IQCE: variants seen among roughly 807,000 people sequenced by gnomAD.
IQCE encodes the protein IQ motif containing E.
IQCE carries 115 observed loss-of-function variants against 96.0 expected under a neutral mutation model. The observed-to-expected ratio is 1.20, with a 90% CI of 1.03 to 1.40. The LOEUF (loss-of-function observed/expected upper bound fraction) is 1.40, where lower values mean the gene tolerates loss of function less well. IQCE is among the 40% of genes most tolerant of loss of function. IQCE has a pLI of 0.00. For missense variants in IQCE, 1,041 were observed against 909.1 expected, an observed-to-expected ratio of 1.15 and a Z score of -1.87; for synonymous variants, 412 against 371.2, an observed-to-expected ratio of 1.11 and a Z score of -1.26.
chr7:2,591,928 C>T (rs889785538), intron 14 of IQCE, among the ~76,000 whole-genome samples: 2 of 143,238 alleles, frequency 1.4e-5, no homozygotes, highest in African/African-American at 2.6e-5. Flanking sequence ...GGGCCTGCCT[C>T]GGCCTCCCAA....
At chr7:2,601,415 T>C (rs1486036428) in intron 17 of IQCE, 26 bp from the exon 18 acceptor site, 4 of 1,457,806 alleles carry the variant, frequency 2.7e-6, no homozygotes, top group Non-Finnish European at 1.9e-6. Context: ...AATTCATGTA[T>C]TTTTTCTTTC....
intron 13 of IQCE, among the ~76,000 whole-genome samples, chr7:2,588,251 A>G (rs1783285479): frequency 6.6e-6 from 1 of 152,208 alleles, no homozygotes; most frequent in Non-Finnish European, 1.5e-5. Context: ...GCCAGGCAGA[A>G]ATGTCGGGAA....
At position 2,559,076 on chromosome 7, in the gene IQCE, G is replaced by A; in HGVS notation, c.-106G>A. The A allele has an allele frequency of 1.7e-6, 1 of 604,996 alleles. No homozygotes were observed. The allele number at this position is 604,996 out of a possible 1,614,324, so 37.5% of individuals were successfully genotyped here. ...CATGGCAGCGGGGTCGCGGGCCGGC[G>A]CCAGGGAAGGCCCCGAGGCTGCGGG... On this transcript the variant is annotated 5_prime_UTR_variant, in exon 1 of 22. Transcript: ENST00000402050.
intron 16 of IQCE, among the ~76,000 whole-genome samples, chr7:2,596,173 C>G (rs555959392): frequency 6.6e-6 from 1 of 152,120 alleles, no homozygotes; most frequent in Non-Finnish European, 1.5e-5. Flanking sequence ...GTGGGAAGAT[C>G]GCTCGAGCCC....
rs540824593 is a variant in IQCE at position 2,585,836 on chromosome 7, G to C, written c.825-372G>C. Among the ~76,000 whole-genome samples, 5 of 152,302 alleles carry C rather than the reference G, an allele frequency of 3.3e-5. No individual in the cohort carries two copies. In the South Asian group the frequency reaches 1.0e-3, roughly 32 times the overall value. On this transcript the variant is annotated intron_variant, in intron 11 of 21. Coordinates refer to ENST00000402050, the MANE Select transcript of IQCE (RefSeq NM_152558.5). ...AATTACGGGACCTGCAGATAATGAG[G>C]ATCGACTGTACTTTACACCTCCTGG... is the stretch of plus-strand genomic sequence containing the variant.
rs543698789 is a variant in IQCE at position 2,611,139 on chromosome 7, T to TGGGCCGGGCCGGGCC, written c.*986_*987insCGGGCCGGGCCGGGC. On this transcript the variant is annotated 3_prime_UTR_variant, in exon 22 of 22. Transcript: ENST00000402050. ...TGGGCTGGGCTGGGCTGGGCTGGGC[T>TGGGCCGGGCCGGGCC]GGGCCGGGCGTGCGGAGCCTGTGGA... 7.3e-6 allele frequency: 1 copy of TGGGCCGGGCCGGGCC among 137,348 alleles called. No individual in the cohort carries two copies. The highest frequency in any genetic ancestry group is 2.9e-5 in the African/African-American group (1 of 34,494). 8.5% of individuals were successfully genotyped at this position (137,348 alleles called of 1,614,324 possible).
At position 2,610,425 on chromosome 7, in the gene IQCE, T is replaced by C. The variant is rs1785055938; in HGVS notation, c.*263T>C. The stretch of plus-strand genomic sequence containing the variant: ...TGGATTTTCAGTGCCAACAGACACA[T>C]CTGCCGTGAACTCGCAGATGCCAGG... On this transcript the variant is annotated 3_prime_UTR_variant, in exon 22 of 22. Coordinates refer to ENST00000402050, the MANE Select transcript of IQCE (RefSeq NM_152558.5). 1.2e-5 allele frequency: 5 copies of C among 417,576 alleles called. No individual in the cohort carries two copies. Among genetic ancestry groups the C allele is most frequent in the Non-Finnish European group, 2.2e-5 (5 of 227,126 alleles). 25.9% of individuals were successfully genotyped at this position (417,576 alleles called of 1,614,324 possible).
chr7:2,605,114 C>T (rs1372428815), intron 19 of IQCE, 123 bp downstream of exon 19: 2 of 676,902 alleles, frequency 3.0e-6, no homozygotes, highest in Non-Finnish European at 5.1e-6. Flanking sequence ...AGCAGGCGTC[C>T]CCTGCGCTCC....
At chr7:2,585,707 G>A (rs1343212406) in intron 11 of IQCE, among the ~76,000 whole-genome samples, 6 of 152,366 alleles carry the variant, frequency 3.9e-5, no homozygotes, top group African/African-American at 9.6e-5. Flanking sequence ...GCGCGCCAGC[G>A]ACTGGCATTT....
chr7:2,612,655 A>C lies in IQCE; in HGVS notation c.*2493A>C, dbSNP rs577893497. On this transcript the variant is annotated 3_prime_UTR_variant, in exon 22 of 22. Transcript: ENST00000402050. ...AATGGGGCTAGCTATGGGTGGGGTGAGCTGTGGACAGGGCCTAGCCATGGG... is the reference window on the plus strand; with the variant it reads ...AATGGGGCTAGCTATGGGTGGGGTGCGCTGTGGACAGGGCCTAGCCATGGG... 1.9e-4 allele frequency: 18 copies of C among 93,030 alleles called. No individual in the cohort carries two copies. The highest frequency in any genetic ancestry group is 7.5e-4 in the African/African-American group (17 of 22,608). 5.8% of individuals were successfully genotyped at this position (93,030 alleles called of 1,614,324 possible).
chr7:2,586,207 G>C lies in IQCE; in HGVS notation c.825-1G>C. ...CTCAGTCCACGATTTGGTTGTTCCA[G>C]GCCCCTGGGGGAGAAGAAGACGGGC... On this transcript the variant is annotated splice_acceptor_variant, in intron 11 of 21. Transcript: ENST00000402050. LOFTEE classifies it high-confidence loss of function. The C allele has an allele frequency of 6.2e-7, 1 of 1,612,624 alleles. No individual in the cohort carries two copies. The highest frequency in any genetic ancestry group is 8.5e-7 in the Non-Finnish European group (1 of 1,179,522).
chr7:2,592,031 C>T (rs1403087158), intron 14 of IQCE, among the ~76,000 whole-genome samples: 1 of 149,928 alleles, frequency 6.7e-6, no homozygotes, highest in Non-Finnish European at 1.5e-5. Context: ...CGCACCCGGG[C>T]CTGCCTCGGC....
rs1374912337 is a variant in IQCE, at chr7:2,583,618, G to A, written c.702-19G>A. The stretch of plus-strand genomic sequence containing the variant: ...GGAACGCTGGCACATCCCTATTAAC[G>A]CTGAACTTGGGTTTTCAGCAAACTC... On this transcript the variant is annotated intron_variant, in intron 9 of 21. Coordinates refer to ENST00000402050, the MANE Select transcript of IQCE (RefSeq NM_152558.5). The A allele has an allele frequency of 3.2e-6, 5 of 1,583,962 alleles. No homozygotes were observed. The highest frequency in any genetic ancestry group is 2.2e-5 in the South Asian group (2 of 90,326).
intron 1 of IQCE, among the ~76,000 whole-genome samples, chr7:2,563,381 G>GTGTGTGTGTA (rs1562615888): frequency 0.042 from 6,277 of 150,290 alleles, 350 homozygotes; most frequent in East Asian, 0.28. Context: ...TTTGTTGTGT[G>GTGTGTGTGTA]TGTGTGTGTG....
In IQCE at chr7:2,583,646, G is replaced by A. The variant is rs1227553096; in HGVS notation, c.711G>A (p.Gln237=). 7 of 1,587,216 alleles carry A rather than the reference G, an allele frequency of 4.4e-6. No individual in the cohort carries two copies. Among genetic ancestry groups the A allele is most frequent in the Non-Finnish European group, 6.0e-6 (7 of 1,163,686 alleles). The change falls in exon 10 of 22, where the codon CAG becomes CAA. Residue 237 remains glutamine (Q), a synonymous_variant. Transcript: ENST00000402050. The part of the protein sequence containing the change: ...KEKDGTISKL[Q]TDMKTTNLEE... ...GAACTTGGGTTTTCAGCAAACTCCA[G>A]ACCGATATGAAGACTACCAACCTGG...
At position 2,612,022 on chromosome 7, in the gene IQCE, A is replaced by G. The variant is rs1325483659; in HGVS notation, c.*1860A>G. 1 of 152,116 alleles carries G rather than the reference A, an allele frequency of 6.6e-6. No homozygotes were observed. The highest frequency in any genetic ancestry group is 1.9e-4 in the East Asian group (1 of 5,168). 9.4% of individuals were successfully genotyped at this position (152,116 alleles called of 1,614,324 possible). On this transcript the variant is annotated 3_prime_UTR_variant, in exon 22 of 22. Coordinates refer to ENST00000402050, the MANE Select transcript of IQCE (RefSeq NM_152558.5). ...GCCAGTCCACCTCGAAAGCCCTGAGAAAGTGAGACACCTGCACATTCGCTG... is the reference window on the plus strand; with the variant it reads ...GCCAGTCCACCTCGAAAGCCCTGAGGAAGTGAGACACCTGCACATTCGCTG...
chr7:2,578,039 G>T (rs1265327931), intron 6 of IQCE, among the ~76,000 whole-genome samples: 1 of 147,710 alleles, frequency 6.8e-6, no homozygotes, highest in Non-Finnish European at 1.5e-5. Flanking sequence ...TGTGTGCGGC[G>T]TGTGCGCATT....
chr7:2,579,093 A>G (rs1354088623), intron 8 of IQCE, among the ~76,000 whole-genome samples: 2 of 151,910 alleles, frequency 1.3e-5, no homozygotes, highest in African/African-American at 4.8e-5. Context: ...CCAGGGCAGC[A>G]ATAACGTCCT....
At chr7:2,560,037 G>C (rs995439976) in intron 1 of IQCE, among the ~76,000 whole-genome samples, 2 of 152,186 alleles carry the variant, frequency 1.3e-5, no homozygotes, top group Middle Eastern at 3.2e-3. Context: ...GTGCCTGCCT[G>C]TAGTCCCAAC....
Sources: allele counts gnomAD v4.1 joint callset (sites outside exome capture counted in the v4.1 genomes callset), GRCh38; gene constraint gnomAD v4.1.1; transcripts MANE v1.5; gene names NCBI Gene and HGNC (gene_info 2026-07-23, HGNC 2026-07-21).